The following GFRA1 variants were observed in gnomAD, a reference collection of about 807,000 sequenced individuals.
GFRA1 encodes the protein GDNF family receptor alpha 1, also known as GDNF family receptor alpha-1.
GFRA1 carries 16 observed loss-of-function variants against 51.6 expected under a neutral mutation model. The ratio of observed to expected loss-of-function variants is 0.31; its 90% confidence interval spans 0.21 to 0.47. The LOEUF (loss-of-function observed/expected upper bound fraction) is 0.47. Among genes scored for constraint, GFRA1 ranks in the 20% least tolerant of loss-of-function variants. The pLI, the probability that GFRA1 is intolerant of heterozygous loss-of-function variation, is 1.00. For synonymous variants in GFRA1, 270 were observed against 241.3 expected (o/e 1.12, Z -1.10); for missense variants, 530 against 594.3 (o/e 0.89, Z 1.13).
chr10:116,061,764 GCACGCCAAGAAGAA>G lies in GFRA1; in HGVS notation c.*2620_*2633del. On this transcript the variant is annotated 3_prime_UTR_variant, in exon 11 of 11. Transcript: ENST00000355422. ...AGTAGCGAATCATTTTTGCTTTTAA[GCACGCCAAGAAGAA>G]GTGAGACAGGTAAATGATTTAACTT... The G allele has an allele frequency of 2.6e-6, 1 of 381,148 alleles. No homozygotes were observed. Among genetic ancestry groups the G allele is most frequent in the Middle Eastern group, 6.6e-4 (1 of 1,514 alleles). 23.6% of individuals were successfully genotyped at this position (381,148 alleles called of 1,614,324 possible).
chr10:116,193,254 C>T (rs908296385), intron 5 of GFRA1, among the ~76,000 whole-genome samples: 1 of 152,002 alleles, frequency 6.6e-6, no homozygotes, highest in African/African-American at 2.4e-5. Context: ...TACAAAGGAC[C>T]CCTGCCACCT....
rs1375596028 is a variant in GFRA1, at chr10:116,271,976, G to C, written c.40+14C>G. ...CTCAGAGGGTAAGAAAGCCCGCGGC[G>C]GGCCTCGACTTACCCAAGAGCGGCA... is the stretch of plus-strand genomic sequence containing the variant. On this transcript the variant is annotated intron_variant, in intron 2 of 10. Transcript: ENST00000355422. The C allele has an allele frequency of 6.4e-7, 1 of 1,551,416 alleles. No individual in the cohort carries two copies. Among genetic ancestry groups the C allele is most frequent in the Non-Finnish European group, 8.7e-7 (1 of 1,146,568 alleles).
In GFRA1 at chr10:116,065,607, T is replaced by C. The variant is rs769034000; in HGVS notation, c.1217A>G (p.Asn406Ser). Residue 406 changes from asparagine to serine, a missense_variant, in exon 10 of 11, where the codon AAT becomes AGT. Coordinates refer to ENST00000355422, the MANE Select transcript of GFRA1 (RefSeq NM_005264.8). ...ANLQAQKLKS[N>S]VSGNTHLCIS... The stretch of plus-strand genomic sequence containing the variant: ...ACAGAGGTGTGTATTGCCCGACACA[T>C]TGGATTTCAGCTTCTGTGCCTGGAG... 1.5e-5 allele frequency: 25 copies of C among 1,613,450 alleles called. No individual in the cohort carries two copies. The highest frequency in any genetic ancestry group is 1.9e-5 in the Non-Finnish European group (22 of 1,179,658).
intron 6 of GFRA1, among the ~76,000 whole-genome samples, chr10:116,124,739 C>G (rs1957782886): frequency 6.6e-6 from 1 of 152,082 alleles, no homozygotes; most frequent in African/African-American, 2.4e-5. Context: ...CAGAACAGAC[C>G]CAGGCATTCA....
intron 4 of GFRA1, among the ~76,000 whole-genome samples, chr10:116,242,877 T>C (rs1967520913): frequency 6.6e-6 from 1 of 152,208 alleles, no homozygotes; most frequent in Non-Finnish European, 1.5e-5. Context: ...TTCTTTTTTA[T>C]ATTTAAGGTG....
At chr10:116,088,775 G>C (rs1289361402) in intron 9 of GFRA1, among the ~76,000 whole-genome samples, 2 of 151,906 alleles carry the variant, frequency 1.3e-5, no homozygotes, top group African/African-American at 4.8e-5. Flanking sequence ...CAAAAAATTA[G>C]CCAGGCGTGG....
At chr10:116,252,028 T>C (rs537218714) in intron 4 of GFRA1, among the ~76,000 whole-genome samples, 6 of 150,050 alleles carry the variant, frequency 4.0e-5, no homozygotes, top group Non-Finnish European at 8.9e-5. Flanking sequence ...AAAAATTTTC[T>C]ATTTTAGGGT....
chr10:116,270,992 C>T lies in GFRA1; in HGVS notation c.164G>A (p.Gly55Asp), dbSNP rs529247195. The T allele has an allele frequency of 2.5e-6, 4 of 1,614,226 alleles. No individual in the cohort carries two copies. The East Asian group carries it at 6.7e-5, about 27-fold the overall frequency. ...TGCCAGGCTGAAGTTGGTCTCCTTG[C>T]CCGCCACGCACTGCCTTAGCGTGCG... The part of the protein sequence containing the change: ...KYRTLRQCVA[G>D]KETNFSLASG... Residue 55 changes from glycine (G) to aspartate (D), a missense_variant, in exon 3 of 11, where the codon GGC becomes GAC. Coordinates refer to ENST00000355422, the MANE Select transcript of GFRA1 (RefSeq NM_005264.8).
intron 9 of GFRA1, among the ~76,000 whole-genome samples, chr10:116,075,348 T>C (rs1031743884): frequency 6.6e-6 from 1 of 152,232 alleles, no homozygotes; most frequent in African/African-American, 2.4e-5. Context: ...GGTCACCGGA[T>C]GCCGCCTCGG....
At chr10:116,080,993 C>G (rs530818733) in intron 9 of GFRA1, among the ~76,000 whole-genome samples, 1 of 152,336 alleles carries the variant, frequency 6.6e-6, no homozygotes, top group East Asian at 1.9e-4. Flanking sequence ...GGCAGAGAAG[C>G]TCTCCATTGG....
intron 5 of GFRA1, among the ~76,000 whole-genome samples, chr10:116,147,196 C>G (rs115717599): frequency 0.036 from 5,411 of 152,152 alleles, 331 homozygotes; most frequent in African/African-American, 0.12. Context: ...GAGATAGAAA[C>G]AGAGACAGAA....
intron 6 of GFRA1, among the ~76,000 whole-genome samples, chr10:116,111,009 C>T (rs1451992349): frequency 6.6e-6 from 1 of 152,132 alleles, no homozygotes; most frequent in East Asian, 1.9e-4. Context: ...ATCCTAGCTC[C>T]ACCGCAGGCA....
Position 116,245,737 on chromosome 10 carries a change from G to C in GFRA1, c.418+23766C>G, listed in dbSNP as rs557839058. Among the ~76,000 whole-genome samples, 18 of 152,182 alleles carry C rather than the reference G, an allele frequency of 1.2e-4. No individual in the cohort carries two copies. In the East Asian group the frequency reaches 3.3e-3, roughly 28 times the overall value. ...CAAAGTGTGGTCCATCCATACAATG[G>C]AACACAATTATTCAGCAGTTGAAAA... On this transcript the variant is annotated intron_variant, in intron 4 of 10. Coordinates refer to ENST00000355422, the MANE Select transcript of GFRA1 (RefSeq NM_005264.8).
chr10:116,130,429 G>A (rs74897899), intron 5 of GFRA1, among the ~76,000 whole-genome samples: 2,215 of 152,116 alleles, frequency 0.015, 60 homozygotes, highest in African/African-American at 0.05. Context: ...ATATGGAAAC[G>A]CAAAGGACAC....
chr10:116,143,079 G>T (rs997894277), intron 5 of GFRA1, among the ~76,000 whole-genome samples: 1 of 152,174 alleles, frequency 6.6e-6, no homozygotes, highest in Non-Finnish European at 1.5e-5. Context: ...TGCCAGTGCT[G>T]AACAGAATGA....
intron 6 of GFRA1, among the ~76,000 whole-genome samples, chr10:116,105,725 C>A (rs1460098415): frequency 1.3e-5 from 2 of 152,154 alleles, no homozygotes; most frequent in African/African-American, 4.8e-5. Context: ...TCAGAGATTT[C>A]CAGCAACCAC....
chr10:116,181,469 C>A (rs1445412031), intron 5 of GFRA1, among the ~76,000 whole-genome samples: 1 of 152,192 alleles, frequency 6.6e-6, no homozygotes, highest in Admixed American at 6.5e-5. Flanking sequence ...CATCTCAACA[C>A]CTGTCCTCAT....
At chr10:116,132,787 T>C (rs1396590726) in intron 5 of GFRA1, among the ~76,000 whole-genome samples, 1 of 152,320 alleles carries the variant, frequency 6.6e-6, no homozygotes, top group East Asian at 1.9e-4. Flanking sequence ...CTCAATGACT[T>C]GAGGGCACAG....
chr10:116,208,757 C>A (rs1428788337), intron 5 of GFRA1, among the ~76,000 whole-genome samples: 1 of 152,192 alleles, frequency 6.6e-6, no homozygotes, highest in Non-Finnish European at 1.5e-5. Flanking sequence ...GATGAGCATT[C>A]AAAACGTGCT....
Sources: allele counts gnomAD v4.1 joint callset (sites outside exome capture counted in the v4.1 genomes callset), GRCh38; gene constraint gnomAD v4.1.1; transcripts MANE v1.5; gene names NCBI Gene and HGNC (gene_info 2026-07-23, HGNC 2026-07-21).